Variants in ERBB4 observed in about 807,000 individuals in gnomAD.
The protein encoded by ERBB4 is receptor tyrosine-protein kinase erbB-4.
Under a neutral mutation model 158.0 loss-of-function variants are expected in ERBB4, and 42 were observed. The ratio of observed to expected loss-of-function variants is 0.27; its 90% CI spans 0.21 to 0.34. ERBB4 has a LOEUF of 0.34. ERBB4 is among the 10% of genes least tolerant of loss of function. ERBB4 has a pLI of 1.00. For synonymous variants in ERBB4, 583 were observed against 558.7 expected, an observed-to-expected ratio of 1.04 and a Z score of -0.61; for missense variants, 1,333 against 1,624.1, an observed-to-expected ratio of 0.82 and a Z score of 3.08.
At chr2:211,393,856 A>G (rs556193342) in intron 25 of ERBB4, among the ~76,000 whole-genome samples, 21 of 151,746 alleles carry the variant, frequency 1.4e-4, no homozygotes, top group African/African-American at 5.1e-4. Flanking sequence ...TACCTACCTC[A>G]CCAAGAGCAA....
intron 3 of ERBB4, among the ~76,000 whole-genome samples, chr2:211,906,006 T>C (rs1174383069): frequency 6.6e-6 from 1 of 151,516 alleles, no homozygotes; most frequent in African/African-American, 2.4e-5. Context: ...AAGATTAAAG[T>C]GTGAAGAACA....
intron 2 of ERBB4, among the ~76,000 whole-genome samples, chr2:212,106,813 G>T (rs1180453085): frequency 6.6e-6 from 1 of 152,208 alleles, no homozygotes; most frequent in Non-Finnish European, 1.5e-5. Flanking sequence ...TGACTAAAAG[G>T]GGCCAAGGTA....
intron 7 of ERBB4, among the ~76,000 whole-genome samples, chr2:211,721,143 C>A (rs1476453988): frequency 6.6e-6 from 1 of 152,126 alleles, no homozygotes; most frequent in Non-Finnish European, 1.5e-5. Context: ...GAACACTAAA[C>A]AAACTGTGTT....
In ERBB4 at chr2:211,761,464, C is replaced by CT. The variant is rs200728645; in HGVS notation, c.557-10761dup. On this transcript the variant is annotated intron_variant, in intron 4 of 27. Coordinates refer to ENST00000342788, the MANE Select transcript of ERBB4 (RefSeq NM_005235.3). ...CCATCTTAATCAGAAATTATTTTTT[C>CT]TTTTTTTTTGGAAAAAGCGTCCTTT... is the stretch of plus-strand genomic sequence containing the variant. Among the ~76,000 whole-genome samples the CT allele has an allele frequency of 4.3e-3, 643 of 150,580 alleles. 5 individuals are homozygous for CT. The highest frequency in any genetic ancestry group is 0.015 in the African/African-American group (597 of 41,084).
At chr2:212,062,749 A>G (rs2077819875) in intron 2 of ERBB4, among the ~76,000 whole-genome samples, 1 of 152,082 alleles carries the variant, frequency 6.6e-6, no homozygotes, top group Non-Finnish European at 1.5e-5. Flanking sequence ...GATGGAATCA[A>G]TTGAGCTGTT....
chr2:212,469,392 A>G (rs1689003781), intron 1 of ERBB4, among the ~76,000 whole-genome samples: 1 of 152,142 alleles, frequency 6.6e-6, no homozygotes, highest in Non-Finnish European at 1.5e-5. Context: ...ATTTAAATGG[A>G]TTTATATTTC....
chr2:211,827,589 C>T (rs897006348), intron 3 of ERBB4, among the ~76,000 whole-genome samples: 2 of 150,192 alleles, frequency 1.3e-5, no homozygotes, highest in East Asian at 4.0e-4. Context: ...TGCTGATATA[C>T]AGTTCTTTTT....
chr2:211,920,923 ATTATG>A (rs1289706717), intron 3 of ERBB4, among the ~76,000 whole-genome samples: 1 of 151,934 alleles, frequency 6.6e-6, no homozygotes. Flanking sequence ...CATATTTTGA[ATTATG>A]TTTATTAATA....
At chr2:212,457,447 C>T (rs1688352528) in intron 1 of ERBB4, among the ~76,000 whole-genome samples, 1 of 152,130 alleles carries the variant, frequency 6.6e-6, no homozygotes, top group South Asian at 2.1e-4. Context: ...TGTTATCACA[C>T]AGAGTATCCT....
At chr2:211,673,118 C>G in intron 14 of ERBB4, 46 bp downstream of exon 14, 1 of 1,295,858 alleles carries the variant, frequency 7.7e-7, no homozygotes, top group South Asian at 1.2e-5. Context: ...AACATTCATA[C>G]ATGATACTAA....
At chr2:211,773,598 TTATATATATATATATA>T (rs1171015959) in intron 4 of ERBB4, among the ~76,000 whole-genome samples, 400 of 29,782 alleles carry the variant, frequency 0.013, 5 homozygotes, top group African/African-American at 0.029. Context: ...TTCTGTAACT[TTATATATATATATATA>T]TATATATATA....
chr2:212,102,075 C>T (rs1195057885), intron 2 of ERBB4, among the ~76,000 whole-genome samples: 7 of 71,478 alleles, frequency 9.8e-5, no homozygotes, highest in African/African-American at 2.4e-4. Flanking sequence ...AAATCATATA[C>T]GTTGAAAATT....
At chr2:211,533,750 C>T (rs1258533583) in intron 20 of ERBB4, among the ~76,000 whole-genome samples, 4 of 151,928 alleles carry the variant, frequency 2.6e-5, no homozygotes, top group Non-Finnish European at 5.9e-5. Context: ...AAAGTTGGGG[C>T]TATTTGCAGT....
chr2:211,412,962 A>AAAAG (rs1018727642), intron 25 of ERBB4, among the ~76,000 whole-genome samples: 2 of 150,848 alleles, frequency 1.3e-5, no homozygotes, highest in Admixed American at 6.6e-5. Flanking sequence ...AAAAAAAAAA[A>AAAAG]AAAGAAAGAA....
chr2:211,906,132 G>T (rs116548210), intron 3 of ERBB4, among the ~76,000 whole-genome samples: 355 of 152,184 alleles, frequency 2.3e-3, no homozygotes, highest in Non-Finnish European at 3.7e-3. Context: ...TAGACTGTTG[G>T]AAGGCAAGGT....
At chr2:212,467,132 T>C (rs969397678) in intron 1 of ERBB4, among the ~76,000 whole-genome samples, 1 of 152,042 alleles carries the variant, frequency 6.6e-6, no homozygotes, top group Non-Finnish European at 1.5e-5. Flanking sequence ...GGGCATTCAG[T>C]TTCAAAAGGA....
intron 20 of ERBB4, among the ~76,000 whole-genome samples, chr2:211,512,078 T>A (rs2065897854): frequency 6.6e-6 from 1 of 152,136 alleles, no homozygotes; most frequent in Admixed American, 6.5e-5. Context: ...TGATAAACCA[T>A]ATTGTGGACT....
chr2:212,192,038 T>C (rs2082274457), intron 1 of ERBB4, among the ~76,000 whole-genome samples: 1 of 39,532 alleles, frequency 2.5e-5, no homozygotes, highest in Admixed American at 3.5e-4. Flanking sequence ...ATGTTATATG[T>C]TATATATATG....
At chr2:212,279,747 T>C (rs549786747) in intron 1 of ERBB4, among the ~76,000 whole-genome samples, 1 of 151,738 alleles carries the variant, frequency 6.6e-6, no homozygotes, top group Non-Finnish European at 1.5e-5. Flanking sequence ...TTTTTTATTG[T>C]TTGTGATGAA....
Sources: allele counts gnomAD v4.1 joint callset (sites outside exome capture counted in the v4.1 genomes callset), GRCh38; gene constraint gnomAD v4.1.1; transcripts MANE v1.5; gene names NCBI Gene and HGNC (gene_info 2026-07-23, HGNC 2026-07-21).